GRIA4: variants seen among roughly 807,000 people sequenced by gnomAD.
GRIA4 encodes glutamate receptor 4.
In GRIA4, 34 loss-of-function variants were observed where a neutral mutation model predicts 104.0. The ratio of observed to expected loss-of-function variants is 0.33; its 90% CI spans 0.25 to 0.44. GRIA4 has a LOEUF of 0.44. Among genes scored for constraint, GRIA4 ranks in the 20% least tolerant of loss-of-function variants. GRIA4 has a pLI of 1.00. For synonymous variants in GRIA4, 386 were observed against 381.9 expected (o/e 1.01, Z -0.13); for missense variants, 750 against 1,096.5 (o/e 0.68, Z 4.46).
At chr11:105,891,732 C>T (rs533097822) in intron 6 of GRIA4, among the ~76,000 whole-genome samples, 10 of 152,250 alleles carry the variant, frequency 6.6e-5, no homozygotes, top group African/African-American at 1.7e-4. Flanking sequence ...TAGTATAGAA[C>T]TTATTCTTGT....
At chr11:105,771,419 C>T (rs1941203125) in intron 4 of GRIA4, among the ~76,000 whole-genome samples, 1 of 152,054 alleles carries the variant, frequency 6.6e-6, no homozygotes, top group Non-Finnish European at 1.5e-5. Flanking sequence ...TCAACATTCT[C>T]TTTGGGGACA....
intron 5 of GRIA4, among the ~76,000 whole-genome samples, chr11:105,884,243 C>T (rs1205642940): frequency 1.3e-5 from 2 of 152,238 alleles, no homozygotes; most frequent in Non-Finnish European, 2.9e-5. Context: ...TATCTTTCAA[C>T]TCAAACTGTT....
chr11:105,831,149 T>C (rs1943959789), intron 4 of GRIA4, among the ~76,000 whole-genome samples: 2 of 152,176 alleles, frequency 1.3e-5, no homozygotes, highest in Non-Finnish European at 2.9e-5. Context: ...GGATAGAATG[T>C]CCAAGATGGT....
Position 105,752,970 on chromosome 11 carries a change from T to C in GRIA4, c.248-11T>C, listed in dbSNP as rs1178934426. 1 of 1,609,492 alleles carries C rather than the reference T, an allele frequency of 6.2e-7. No individual in the cohort carries two copies. Among genetic ancestry groups the C allele is most frequent in the South Asian group, 1.1e-5 (1 of 91,016 alleles). On this transcript the variant is annotated splice_polypyrimidine_tract_variant and intron_variant, in intron 3 of 16. Transcript: ENST00000282499. ...CTAATAGTTTGTGGTGTTTTCTTCC[T>C]CTTGTTTCAGTCTGTTCCCAGTATT...
At chr11:105,957,510 G>A (rs1948621847) in intron 14 of GRIA4, among the ~76,000 whole-genome samples, 1 of 152,158 alleles carries the variant, frequency 6.6e-6, no homozygotes, top group Non-Finnish European at 1.5e-5. Context: ...TTTGGTTACT[G>A]TAGCCTTGTA....
chr11:105,914,313 T>C (rs1038063732), intron 10 of GRIA4, among the ~76,000 whole-genome samples: 2 of 151,998 alleles, frequency 1.3e-5, no homozygotes, highest in African/African-American at 4.8e-5. Flanking sequence ...CCATTAAGAT[T>C]TTTTGGAGAA....
intron 4 of GRIA4, among the ~76,000 whole-genome samples, chr11:105,768,251 G>A (rs1330831400): frequency 1.3e-5 from 2 of 152,040 alleles, no homozygotes; most frequent in African/African-American, 4.8e-5. Context: ...ACATATGCAT[G>A]TGCCAGTTTT....
rs570191433 is a variant in GRIA4 at position 105,863,345 on chromosome 11, AAC to A, written c.672+1139_672+1140del. On this transcript the variant is annotated intron_variant, in intron 5 of 16. Coordinates refer to ENST00000282499, the MANE Select transcript of GRIA4 (RefSeq NM_000829.4). Reference sequence around the variant, plus strand: ...AAGAAGCCAGACCATAAGAGGAAATAACAGAGTATTTACTTCCTGTCGTCCCT... The same window carrying A: ...AAGAAGCCAGACCATAAGAGGAAATAAGAGTATTTACTTCCTGTCGTCCCT... 7.9e-5 allele frequency among the ~76,000 whole-genome samples: 12 copies of A among 152,108 alleles called. No individual in the cohort carries two copies. The South Asian group carries it at 1.2e-3, about 16-fold the overall frequency.
At chr11:105,901,833 G>A (rs1946869019) in intron 7 of GRIA4, among the ~76,000 whole-genome samples, 1 of 152,162 alleles carries the variant, frequency 6.6e-6, no homozygotes, top group South Asian at 2.1e-4. Flanking sequence ...TGTTGAAAAA[G>A]TGGCAATATT....
chr11:105,975,435 A>G (rs922490596), intron 16 of GRIA4, among the ~76,000 whole-genome samples: 2 of 152,114 alleles, frequency 1.3e-5, no homozygotes, highest in African/African-American at 4.8e-5. Flanking sequence ...GCATAATAAA[A>G]AATTGTAAGC....
intron 4 of GRIA4, among the ~76,000 whole-genome samples, chr11:105,813,019 G>T (rs374584806): frequency 4.2e-4 from 64 of 151,370 alleles, no homozygotes; most frequent in African/African-American, 1.6e-3. Context: ...GCGTGAACCT[G>T]GGAGGCGGAG....
At chr11:105,687,878 A>G (rs1301118264) in intron 3 of GRIA4, among the ~76,000 whole-genome samples, 1 of 152,200 alleles carries the variant, frequency 6.6e-6, no homozygotes, top group Non-Finnish European at 1.5e-5. Context: ...GTTTCTAGAT[A>G]TGTTTATAAA....
At chr11:105,624,792 T>C (rs1378979077) in intron 3 of GRIA4, among the ~76,000 whole-genome samples, 1 of 152,126 alleles carries the variant, frequency 6.6e-6, no homozygotes, top group African/African-American at 2.4e-5. Flanking sequence ...TTCTTTTCTC[T>C]GACAACTAGG....
intron 6 of GRIA4, among the ~76,000 whole-genome samples, chr11:105,891,696 G>C (rs1311650138): frequency 6.6e-6 from 1 of 151,902 alleles, no homozygotes; most frequent in Non-Finnish European, 1.5e-5. Context: ...CCCTCCTCTG[G>C]GTTCTCAAAC....
chr11:105,781,772 G>A (rs1401011378), intron 4 of GRIA4, among the ~76,000 whole-genome samples: 3 of 152,118 alleles, frequency 2.0e-5, no homozygotes, highest in African/African-American at 7.2e-5. Context: ...TATAGTGAAC[G>A]CAAGAGGAAA....
intron 3 of GRIA4, among the ~76,000 whole-genome samples, chr11:105,680,675 G>A (rs965602088): frequency 6.6e-6 from 1 of 152,032 alleles, no homozygotes; most frequent in African/African-American, 2.4e-5. Context: ...CTTCAAAATG[G>A]AGGTTAAGAA....
At chr11:105,949,933 C>T (rs1948419318) in intron 14 of GRIA4, among the ~76,000 whole-genome samples, 1 of 152,142 alleles carries the variant, frequency 6.6e-6, no homozygotes, top group Admixed American at 6.5e-5. Flanking sequence ...AGCCAATCAA[C>T]TTTAGGCCTC....
intron 3 of GRIA4, among the ~76,000 whole-genome samples, chr11:105,665,316 G>T (rs1952132204): frequency 6.6e-6 from 1 of 151,868 alleles, no homozygotes; most frequent in Non-Finnish European, 1.5e-5. Flanking sequence ...TACCTTATGA[G>T]AAATATACTT....
intron 3 of GRIA4, among the ~76,000 whole-genome samples, chr11:105,686,231 C>T (rs943910719): frequency 6.6e-6 from 1 of 152,144 alleles, no homozygotes; most frequent in Non-Finnish European, 1.5e-5. Context: ...TCCATCTCTC[C>T]CTTCTCTAGT....
Sources: allele counts gnomAD v4.1 joint callset (sites outside exome capture counted in the v4.1 genomes callset), GRCh38; gene constraint gnomAD v4.1.1; transcripts MANE v1.5; gene names NCBI Gene and HGNC (gene_info 2026-07-23, HGNC 2026-07-21).